Variants in AKAIN1 observed in about 807,000 individuals in gnomAD.
The protein encoded by AKAIN1 is A-kinase anchor protein inhibitor 1.
In AKAIN1, 3 loss-of-function variants were observed where a neutral mutation model predicts 3.7. The ratio of observed to expected loss-of-function variants is 0.82; its 90% CI spans 0.37 to 2.12. AKAIN1 has a LOEUF of 2.12. Among genes scored for constraint, AKAIN1 ranks in the 30% most tolerant of loss-of-function variants. AKAIN1 has a pLI of 0.06. For synonymous variants in AKAIN1, 31 were observed against 30.8 expected (o/e 1.01, Z -0.02); for missense variants, 82 against 82.7 (o/e 0.99, Z 0.03).
chr18:5,157,242 G>T (rs2071113407), intron 1 of AKAIN1, among the ~76,000 whole-genome samples: 1 of 152,168 alleles, frequency 6.6e-6, no homozygotes, highest in Non-Finnish European at 1.5e-5. Flanking sequence ...TCCTGCTGCA[G>T]CTTCCGTCTT....
At position 5,153,792 on chromosome 18, in the gene AKAIN1, A is replaced by G. The variant is rs117592989; in HGVS notation, c.17-8037T>C. Among the ~76,000 whole-genome samples the G allele has an allele frequency of 3.4e-4, 52 of 152,220 alleles. No homozygotes were observed. The East Asian group carries it at 9.1e-3, about 27-fold the overall frequency. On this transcript the variant is annotated intron_variant, in intron 1 of 1. Transcript: ENST00000434239. ...ATGTACAACACCAAGAGTAAACCCT[A>G]TTATGAACTGTGGAGTTTGGGTAAT...
Position 5,143,639 on chromosome 18 carries a change from A to G in AKAIN1, c.*1923T>C, listed in dbSNP as rs770480090. Among the ~76,000 whole-genome samples the G allele has an allele frequency of 2.6e-5, 4 of 152,222 alleles. No individual in the cohort carries two copies. The highest frequency in any genetic ancestry group is 5.9e-5 in the Non-Finnish European group (4 of 68,038). On this transcript the variant is annotated 3_prime_UTR_variant, in exon 2 of 2. Coordinates refer to ENST00000434239, the MANE Select transcript of AKAIN1 (RefSeq NM_001145194.2). ...CCAAATAATGGTAAGATCCACGTACAAAATGAGCCAAACGGCAGAGTCTAG... is the reference window on the plus strand; with the variant it reads ...CCAAATAATGGTAAGATCCACGTACGAAATGAGCCAAACGGCAGAGTCTAG...
At chr18:5,146,499 T>G (rs963192981) in intron 1 of AKAIN1, among the ~76,000 whole-genome samples, 3 of 152,202 alleles carry the variant, frequency 2.0e-5, no homozygotes, top group Admixed American at 2.0e-4. Flanking sequence ...ATGCCTAGTG[T>G]ATATAACCTC....
chr18:5,183,560 A>G (rs1046073752), intron 1 of AKAIN1, among the ~76,000 whole-genome samples: 1 of 151,386 alleles, frequency 6.6e-6, no homozygotes, highest in Non-Finnish European at 1.5e-5. Context: ...AACTGTATGC[A>G]GTTGATTTAA....
chr18:5,168,877 AAAGC>A lies in AKAIN1; in HGVS notation c.17-23126_17-23123del, dbSNP rs200485798. On this transcript the variant is annotated intron_variant, in intron 1 of 1. Coordinates refer to ENST00000434239, the MANE Select transcript of AKAIN1 (RefSeq NM_001145194.2). ...GAGGCAATTCATTAAAAAAAAAAAAAAAGCAAACAAACAAAAACAACAACAAAAA... is the reference window on the plus strand; with the variant it reads ...GAGGCAATTCATTAAAAAAAAAAAAAAAACAAACAAAAACAACAACAAAAA... Among the ~76,000 whole-genome samples, 519 of 142,126 alleles carry A rather than the reference AAAGC, an allele frequency of 3.7e-3. 4 individuals carry two copies. The highest frequency in any genetic ancestry group is 0.021 in the East Asian group (108 of 5,152). 93.2% of individuals were successfully genotyped at this position (142,126 alleles called of 152,430 possible). A position where few individuals can be genotyped will look rare whatever the true frequency, so the allele number is the denominator to read the frequency against.
intron 1 of AKAIN1, among the ~76,000 whole-genome samples, chr18:5,154,793 G>A (rs975240629): frequency 3.9e-5 from 6 of 151,926 alleles, no homozygotes; most frequent in African/African-American, 9.7e-5. Context: ...TCCCTTTTAC[G>A]TTCCAACAAA....
intron 1 of AKAIN1, among the ~76,000 whole-genome samples, chr18:5,149,838 ATTTTTG>A (rs1204950886): frequency 2.0e-5 from 3 of 151,912 alleles, no homozygotes; most frequent in African/African-American, 4.8e-5. Context: ...GCAGTGTTTT[ATTTTTG>A]TTTTTGTTTT....
chr18:5,154,314 A>G (rs1002203362), intron 1 of AKAIN1, among the ~76,000 whole-genome samples: 9 of 152,150 alleles, frequency 5.9e-5, no homozygotes, highest in Non-Finnish European at 1.0e-4. Context: ...CTGTCTTGGA[A>G]ATCCTTTAAA....
intron 1 of AKAIN1, among the ~76,000 whole-genome samples, chr18:5,188,059 C>A (rs1274959572): frequency 6.6e-6 from 1 of 152,046 alleles, no homozygotes; most frequent in African/African-American, 2.4e-5. Flanking sequence ...AGTCCAAAAC[C>A]CAACAGAAAA....
At position 5,144,199 on chromosome 18, in the gene AKAIN1, CTATT is replaced by C. The variant is rs1381511168; in HGVS notation, c.*1359_*1362del. On this transcript the variant is annotated 3_prime_UTR_variant, in exon 2 of 2. Coordinates refer to ENST00000434239, the MANE Select transcript of AKAIN1 (RefSeq NM_001145194.2). ...TTTTCATTCATTATCTATTATCCAACTATTTATTCTAGAAACTGTAGCATATTGG... is the reference window on the plus strand; with the variant it reads ...TTTTCATTCATTATCTATTATCCAACTATTCTAGAAACTGTAGCATATTGG... Among the ~76,000 whole-genome samples the C allele has an allele frequency of 2.0e-5, 3 of 152,082 alleles. No homozygotes were observed. The highest frequency in any genetic ancestry group is 4.4e-5 in the Non-Finnish European group (3 of 68,024).
upstream of AKAIN1, chr18:5,197,357 A>G (rs919969627): frequency 7.9e-7 from 1 of 1,268,760 alleles, no homozygotes; most frequent in African/African-American, 1.6e-5. The surrounding 1 kb of genome is among the most constrained non-coding windows in gnomAD (Gnocchi z 6.9). Flanking sequence ...TTAGGGAGCA[A>G]AGCACTTCCA....
chr18:5,173,325 T>C (rs2071208295), intron 1 of AKAIN1, among the ~76,000 whole-genome samples: 1 of 152,164 alleles, frequency 6.6e-6, no homozygotes, highest in South Asian at 2.1e-4. Context: ...ATTTCTGTAA[T>C]TTTTTTCCAA....
intron 1 of AKAIN1, among the ~76,000 whole-genome samples, chr18:5,187,393 G>A (rs2071293557): frequency 6.6e-6 from 1 of 152,140 alleles, no homozygotes; most frequent in South Asian, 2.1e-4. Flanking sequence ...TACAGACTTG[G>A]CAATTTACAA....
At chr18:5,188,608 G>T (rs1308245127) in intron 1 of AKAIN1, among the ~76,000 whole-genome samples, 1 of 151,982 alleles carries the variant, frequency 6.6e-6, no homozygotes, top group Non-Finnish European at 1.5e-5. Context: ...GCAAACCCTT[G>T]CTTGTAACCC....
At chr18:5,172,025 T>C (rs756258512) in intron 1 of AKAIN1, among the ~76,000 whole-genome samples, 13 of 152,080 alleles carry the variant, frequency 8.5e-5, no homozygotes, top group Non-Finnish European at 1.6e-4. Flanking sequence ...AAGAATGAGA[T>C]CCTGTCATTT....
chr18:5,197,501 T>C, upstream of AKAIN1: 1 of 321,738 alleles, frequency 3.1e-6, no homozygotes, highest in East Asian at 1.3e-4. The surrounding 1 kb of genome is among the most constrained non-coding windows in gnomAD (Gnocchi z 6.9). Flanking sequence ...AAGATAGATT[T>C]GTCAAAAAAA....
At chr18:5,178,167 T>C (rs1010723493) in intron 1 of AKAIN1, among the ~76,000 whole-genome samples, 6 of 152,134 alleles carry the variant, frequency 3.9e-5, no homozygotes, top group Non-Finnish European at 7.4e-5. Context: ...GCAGGACTCA[T>C]CTGCCTAAGG....
At chr18:5,179,421 GTGTA>G (rs997259953) in intron 1 of AKAIN1, among the ~76,000 whole-genome samples, 2 of 121,062 alleles carry the variant, frequency 1.7e-5, no homozygotes, top group African/African-American at 5.9e-5. Flanking sequence ...GTATGTATGT[GTGTA>G]TATATATATA....
chr18:5,193,205 G>A (rs1013061356), intron 1 of AKAIN1, among the ~76,000 whole-genome samples: 6 of 152,176 alleles, frequency 3.9e-5, no homozygotes, highest in African/African-American at 1.4e-4. Context: ...AAGCTTAGAT[G>A]TCAAGAGACT....
Sources: allele counts gnomAD v4.1 joint callset (sites outside exome capture counted in the v4.1 genomes callset), GRCh38; gene constraint gnomAD v4.1.1; non-coding constraint Gnocchi (gnomAD v3.1); transcripts MANE v1.5; gene names NCBI Gene and HGNC (gene_info 2026-07-23, HGNC 2026-07-21).